Variants in SLC35D1 observed in about 807,000 individuals in gnomAD.
The protein encoded by SLC35D1 is solute carrier family 35 member D1.
In SLC35D1, 31 loss-of-function variants were observed where a neutral mutation model predicts 46.7. The observed-to-expected ratio is 0.66, with a 90% CI of 0.50 to 0.90. SLC35D1 has a LOEUF of 0.90. Ranked by LOEUF, SLC35D1 falls within the 40% of genes least tolerant of loss-of-function variation. The pLI is 0.00. For synonymous variants in SLC35D1, 195 were observed against 164.6 expected (o/e 1.18, Z -1.41); for missense variants, 397 against 426.2 (o/e 0.93, Z 0.60).
Position 67,029,234 on chromosome 1 carries a change from A to G in SLC35D1, c.730-7632T>C, listed in dbSNP as rs79449622. Among the ~76,000 whole-genome samples, 971 of 152,340 alleles carry G rather than the reference A, an allele frequency of 6.4e-3. 9 individuals are homozygous for G. The highest frequency in any genetic ancestry group is 0.022 in the African/African-American group (905 of 41,582). On this transcript the variant is annotated intron_variant, in intron 8 of 11. Transcript: ENST00000235345. ...TTCCTTACTAAGTATGTGTACATAT[A>G]TGGACATCTTTATGTACATGACTAT...
chr1:66,979,925 C>CG, the SLC35D1 span, among the ~76,000 whole-genome samples: 1 of 152,052 alleles, frequency 6.6e-6, no homozygotes, highest in Non-Finnish European at 1.5e-5. Flanking sequence ...CCACCACACC[C>CG]GGCTAATTTT....
At chr1:67,029,018 G>A (rs142187921) in intron 8 of SLC35D1, among the ~76,000 whole-genome samples, 10 of 152,254 alleles carry the variant, frequency 6.6e-5, no homozygotes, top group African/African-American at 2.4e-4. Flanking sequence ...GTACCTTAAT[G>A]TAGGAAGGTA....
rs527254513 is a variant in SLC35D1 at position 67,020,482 on chromosome 1, T to C, written c.798-35A>G. 5 of 1,423,836 alleles carry C rather than the reference T, an allele frequency of 3.5e-6. No homozygotes were observed. The South Asian group carries it at 5.7e-5, about 16-fold the overall frequency. The allele number at this position is 1,423,836 out of a possible 1,614,324, so 88.2% of individuals were successfully genotyped here. On this transcript the variant is annotated intron_variant, in intron 9 of 11. Coordinates refer to ENST00000235345, the MANE Select transcript of SLC35D1 (RefSeq NM_015139.3). The stretch of plus-strand genomic sequence containing the variant: ...AGAAAGAGGTATAAAATCCAGTTTC[T>C]CACTTTATACTAATCTCTAGCCAAG...
the SLC35D1 span, among the ~76,000 whole-genome samples, chr1:66,989,599 G>A: frequency 1.3e-5 from 2 of 152,180 alleles, no homozygotes; most frequent in South Asian, 2.1e-4. Context: ...GAGTGGCTGG[G>A]TTTACAGTTG....
At chr1:67,053,762 G>GCCGCCCGCTCCTCCT in intron 1 of SLC35D1, 49 bp downstream of exon 1, 2 of 1,425,808 alleles carry the variant, frequency 1.4e-6, no homozygotes, top group Non-Finnish European at 9.2e-7. Context: ...CGCCGCCGCC[G>GCCGCCCGCTCCTCCT]CCGCCCGCTC....
chr1:66,983,521 C>CT, the SLC35D1 span, among the ~76,000 whole-genome samples: 2 of 152,186 alleles, frequency 1.3e-5, no homozygotes, highest in African/African-American at 2.4e-5. Flanking sequence ...ACAGTCAACT[C>CT]TAAAATGAAC....
Position 67,053,791 on chromosome 1 carries a change from C to A in SLC35D1, c.203+20G>T, listed in dbSNP as rs368314123. The A allele has an allele frequency of 6.4e-7, 1 of 1,555,524 alleles. No individual in the cohort carries two copies. The highest frequency in any genetic ancestry group is 8.7e-7 in the Non-Finnish European group (1 of 1,153,184). On this transcript the variant is annotated intron_variant, in intron 1 of 11. Coordinates refer to ENST00000235345, the MANE Select transcript of SLC35D1 (RefSeq NM_015139.3). ...CCCGCTCCTCCTCCGCGGCCTGGGC[C>A]GCCGCCGCCTCGGCCCTACCTGTAA...
intron 10 of SLC35D1, 63 bp downstream of exon 10, chr1:67,020,306 A>C: frequency 9.2e-7 from 1 of 1,092,666 alleles, no homozygotes; most frequent in Admixed American, 1.7e-5. Flanking sequence ...ACAGACTCTT[A>C]TCTTAAAGGA....
intron 7 of SLC35D1, among the ~76,000 whole-genome samples, chr1:67,044,180 A>G (rs1645225573): frequency 6.6e-6 from 1 of 152,152 alleles, no homozygotes; most frequent in South Asian, 2.1e-4. Context: ...TACTAAAAAT[A>G]CAAAAATTAG....
At position 67,002,079 on chromosome 1, in the gene SLC35D1, T is replaced by C. The variant is rs1667350790; in HGVS notation, c.*2261A>G. Reference sequence around the variant, plus strand: ...CCCAAAAGCCTTTCATGAAGAAATATTCTACAACAAAAATTATTCAAACGT... The same window carrying C: ...CCCAAAAGCCTTTCATGAAGAAATACTCTACAACAAAAATTATTCAAACGT... On this transcript the variant is annotated 3_prime_UTR_variant, in exon 12 of 12. Transcript: ENST00000235345. 1 of 152,308 alleles carries C rather than the reference T, an allele frequency of 6.6e-6. No individual in the cohort carries two copies. The highest frequency in any genetic ancestry group is 1.5e-5 in the Non-Finnish European group (1 of 68,026). 9.4% of individuals were successfully genotyped at this position (152,308 alleles called of 1,614,324 possible).
intron 7 of SLC35D1, among the ~76,000 whole-genome samples, chr1:67,043,150 C>T (rs1024431090): frequency 6.6e-6 from 1 of 150,914 alleles, no homozygotes; most frequent in East Asian, 2.0e-4. Context: ...GCCAAGATCG[C>T]ACCATTGCAC....
chr1:67,041,585 A>T (rs1050927151), intron 8 of SLC35D1, among the ~76,000 whole-genome samples: 8 of 152,170 alleles, frequency 5.3e-5, no homozygotes. Flanking sequence ...AGTTTGCAGA[A>T]TTTTGTGAAT....
chr1:66,997,580 C>T (rs1165141511), downstream of SLC35D1, among the ~76,000 whole-genome samples: 3 of 128,558 alleles, frequency 2.3e-5, no homozygotes, highest in African/African-American at 8.6e-5. Flanking sequence ...TATATATATA[C>T]ACACACAGAT....
At chr1:67,032,856 A>AT (rs1668045321) in intron 8 of SLC35D1, among the ~76,000 whole-genome samples, 3 of 151,998 alleles carry the variant, frequency 2.0e-5, no homozygotes, top group African/African-American at 7.2e-5. Flanking sequence ...TTTTCTAACC[A>AT]TTTTTTGTAT....
chr1:66,985,263 G>C, the SLC35D1 span: 1 of 976,142 alleles, frequency 1.0e-6, no homozygotes, highest in Non-Finnish European at 1.2e-6. Context: ...TTCACTACAA[G>C]GTAATTTTTG....
intron 8 of SLC35D1, among the ~76,000 whole-genome samples, chr1:67,023,923 C>G (rs1197853892): frequency 6.6e-6 from 1 of 151,652 alleles, no homozygotes; most frequent in Admixed American, 6.6e-5. Flanking sequence ...TATTTTTTCC[C>G]AGTCTGTGAC....
chr1:67,028,559 G>A (rs1207904585), intron 8 of SLC35D1, among the ~76,000 whole-genome samples: 1 of 152,050 alleles, frequency 6.6e-6, no homozygotes, highest in Non-Finnish European at 1.5e-5. Flanking sequence ...ATCCTTTTGA[G>A]GAATTAACCC....
the SLC35D1 span, among the ~76,000 whole-genome samples, chr1:66,974,527 AATGATAGCTT>A: frequency 6.6e-6 from 1 of 152,032 alleles, no homozygotes; most frequent in African/African-American, 2.4e-5. Context: ...GGACCCCTGG[AATGATAGCTT>A]ATGTAACAAG....
At chr1:67,008,383 C>A (rs758617484) in intron 11 of SLC35D1, 2 of 1,282,938 alleles carry the variant, frequency 1.6e-6, no homozygotes, top group African/African-American at 3.0e-5. Context: ...GTGATCTGCC[C>A]GCCTCAGCCT....
Sources: gnomAD v4.1 joint callset for allele counts (sites outside exome capture counted in the v4.1 genomes callset) on GRCh38, gnomAD v4.1.1 for gene constraint, MANE v1.5 for transcripts, NCBI Gene and HGNC (gene_info 2026-07-23, HGNC 2026-07-21) for gene names.